The following TOPAZ1 variants were observed in gnomAD, a reference collection of about 807,000 sequenced individuals.
TOPAZ1 encodes testis and ovary specific TOPAZ 1.
TOPAZ1 carries 66 observed loss-of-function variants against 172.2 expected under a neutral mutation model. The ratio of observed to expected loss-of-function variants is 0.38; its 90% CI spans 0.31 to 0.47. TOPAZ1 has a LOEUF of 0.47. Among genes scored for constraint, TOPAZ1 ranks in the 20% least tolerant of loss-of-function variants. The pLI, the probability that TOPAZ1 is intolerant of heterozygous loss-of-function variation, is 0.99. For missense variants in TOPAZ1, 1,822 were observed against 1,972.4 expected, an observed-to-expected ratio of 0.92 and a Z score of 1.44; for synonymous variants, 681 against 683.9, an observed-to-expected ratio of 1.00 and a Z score of 0.07.
At position 44,269,285 on chromosome 3, in the gene TOPAZ1, G is replaced by A; in HGVS notation, c.3230G>A (p.Arg1077Lys). Residue 1077 changes from arginine to lysine, a missense_variant, in exon 7 of 20, where the codon AGG becomes AAG. This residue lies in a region of TOPAZ1 where 1,489 missense variants were observed against 1,490.8 expected (regional missense o/e 1.00). Coordinates refer to ENST00000309765, the MANE Select transcript of TOPAZ1 (RefSeq NM_001145030.2). ...QNPETCEIFK[R>K]EKNVGVFQKS... ...CCTGAAACTTGTGAAATATTCAAGA[G>A]GGAAAAAAATGTGGGGGTAAGTCTA... 6.5e-7 allele frequency: 1 copy of A among 1,545,640 alleles called. No individual in the cohort carries two copies. The highest frequency in any genetic ancestry group is 8.8e-7 in the Non-Finnish European group (1 of 1,142,254).
chr3:44,274,882 C>T (rs1699937155), intron 8 of TOPAZ1, among the ~76,000 whole-genome samples: 1 of 150,772 alleles, frequency 6.6e-6, no homozygotes, highest in South Asian at 2.1e-4. Flanking sequence ...GATGACAGTT[C>T]TTATTTTGTA....
In TOPAZ1 at chr3:44,321,031, A is replaced by G. The variant is rs1185452805; in HGVS notation, c.4311A>G (p.Ser1437=). 9.1e-6 allele frequency: 14 copies of G among 1,543,550 alleles called. No individual in the cohort carries two copies. Among genetic ancestry groups the G allele is most frequent in the Non-Finnish European group, 1.2e-5 (14 of 1,143,112 alleles). Residue 1437 remains serine, a synonymous_variant, in exon 17 of 20, where the codon TCA becomes TCG. Transcript: ENST00000309765. ...ATATTTTTTTCTTTTTGGAAGAGTC[A>G]GAGTGGATAATCAATACGCCTCTGT... ...LDGAIWVMRE[S]EWIINTPLWP...
chr3:44,305,856 A>G (rs2125700016), intron 14 of TOPAZ1, among the ~76,000 whole-genome samples: 1 of 152,332 alleles, frequency 6.6e-6, no homozygotes, highest in East Asian at 1.9e-4. Flanking sequence ...TTGGTGTTTT[A>G]GTATCAAACG....
rs1242022294 is a variant in TOPAZ1 at position 44,306,321 on chromosome 3, T to G, written c.4040-5T>G. 6.5e-7 allele frequency: 1 copy of G among 1,533,976 alleles called. No homozygotes were observed. Among genetic ancestry groups the G allele is most frequent in the Non-Finnish European group, 8.8e-7 (1 of 1,132,158 alleles). On this transcript the variant is annotated splice_region_variant and splice_polypyrimidine_tract_variant and intron_variant, in intron 14 of 19. Transcript: ENST00000309765. ...TTTTCTTTTGTATGCCTATTTGTGT[T>G]TCAGTTAGCAAAGATCCACAAAACA...
chr3:44,259,256 C>T (rs1234123598), intron 4 of TOPAZ1, among the ~76,000 whole-genome samples: 2 of 152,096 alleles, frequency 1.3e-5, no homozygotes, highest in South Asian at 2.1e-4. Context: ...CTAGGTTCTG[C>T]CTGCTTTTCA....
In TOPAZ1 at chr3:44,305,162, G is replaced by C. The variant is rs540278563; in HGVS notation, c.3880G>C (p.Gly1294Arg). ...LNKLEHCKEK[G>R]DWTKLGKLYI... Reference sequence around the variant, plus strand: ...ATTTTGATAGCATTGTAAAGAAAAAGGTGACTGGACCAAATTGGGAAAATT... The same window carrying C: ...ATTTTGATAGCATTGTAAAGAAAAACGTGACTGGACCAAATTGGGAAAATT... Residue 1294 changes from glycine (G) to arginine (R), a missense_variant, in exon 14 of 20, where the codon GGT becomes CGT. Physicochemically the swap from Gly to Arg is moderately radical, Grantham distance 125 (BLOSUM62 -2). This residue lies in a region of TOPAZ1 where 333 missense variants were observed against 481.7 expected (regional missense o/e 0.69). Transcript: ENST00000309765. 15 of 1,516,938 alleles carry C rather than the reference G, an allele frequency of 9.9e-6. 1 individual carries two copies. The African/African-American group carries it at 1.4e-4, about 14-fold the overall frequency. 94.0% of individuals were successfully genotyped at this position (1,516,938 alleles called of 1,614,324 possible). A position where few individuals can be genotyped will look rare whatever the true frequency, so the allele number is the denominator to read the frequency against.
Position 44,243,037 on chromosome 3 carries a change from C to A in TOPAZ1, c.531C>A (p.Ser177Arg). 6.5e-7 allele frequency: 1 copy of A among 1,541,606 alleles called. No homozygotes were observed. Among genetic ancestry groups the A allele is most frequent in the African/African-American group, 1.4e-5 (1 of 72,398 alleles). ...GAATTCGAAATAAAAAACTTAAAAGCTTAGAAAACCCACCTCTCAAAATAA... is the reference window on the plus strand; with the variant it reads ...GAATTCGAAATAAAAAACTTAAAAGATTAGAAAACCCACCTCTCAAAATAA... ...KRRIRNKKLKSLENPPLKITE... is the reference protein window; with the variant it reads ...KRRIRNKKLKRLENPPLKITE... Residue 177 changes from serine (S) to arginine (R), a missense_variant, in exon 2 of 20, where the codon AGC (serine) becomes AGA (arginine). Around this residue, in one of 2 missense-constraint regions of TOPAZ1, gnomAD observed 1,489 missense variants for 1,490.8 expected, o/e 1.00. Transcript: ENST00000309765.
intron 15 of TOPAZ1, among the ~76,000 whole-genome samples, chr3:44,308,381 G>T (rs2125700796): frequency 6.6e-6 from 1 of 151,254 alleles, no homozygotes; most frequent in African/African-American, 2.4e-5. Context: ...TGCGGTGTTT[G>T]GTTTTCTATC....
At position 44,242,140 on chromosome 3, in the gene TOPAZ1, G is replaced by A. The variant is rs986904887; in HGVS notation, c.87G>A (p.Gly29=). The change falls in exon 1 of 20, where the codon GGG becomes GGA. Residue 29 remains glycine (G), a synonymous_variant. Coordinates refer to ENST00000309765, the MANE Select transcript of TOPAZ1 (RefSeq NM_001145030.2). ...VRNLQKRQAP[G]PGAAGGCGPE... Reference sequence around the variant, plus strand: ...ACCTGCAGAAGCGGCAGGCGCCAGGGCCAGGCGCGGCGGGAGGCTGTGGCC... The same window carrying A: ...ACCTGCAGAAGCGGCAGGCGCCAGGACCAGGCGCGGCGGGAGGCTGTGGCC... 7.1e-6 allele frequency: 11 copies of A among 1,549,016 alleles called. No homozygotes were observed. In the African/African-American group the frequency reaches 1.5e-4, roughly 21 times the overall value.
chr3:44,242,953 A>G lies in TOPAZ1; in HGVS notation c.447A>G (p.Gln149=), dbSNP rs1313501010. The change falls in exon 2 of 20, where the codon CAA becomes CAG. Residue 149 remains glutamine (Q), a synonymous_variant. Coordinates refer to ENST00000309765, the MANE Select transcript of TOPAZ1 (RefSeq NM_001145030.2). ...CATTAACCAGTTCGGAATCTTTCCA[A>G]ACAGTGGAATGCTTGCAGTCTTTGG... ...KESLTSSESF[Q]TVECLQSLGK... The G allele has an allele frequency of 7.7e-6, 12 of 1,550,796 alleles. No homozygotes were observed. The East Asian group carries it at 2.4e-4, about 32-fold the overall frequency.
chr3:44,259,461 T>C (rs141170975), intron 4 of TOPAZ1, among the ~76,000 whole-genome samples: 2 of 152,342 alleles, frequency 1.3e-5, no homozygotes, highest in African/African-American at 4.8e-5. Context: ...TTTCAATGTA[T>C]GTAATGATGT....
Position 44,287,440 on chromosome 3 carries a change from A to G in TOPAZ1, c.3488A>G (p.Asp1163Gly). ...YRKFPPGVYFDLQVLNDLLNS... is the reference protein window; with the variant it reads ...YRKFPPGVYFGLQVLNDLLNS... The stretch of plus-strand genomic sequence containing the variant: ...AAGTTTCCCCCAGGTGTATACTTTG[A>G]TTTACAAGTGCTAAATGACCTTCTA... The change falls in exon 10 of 20, where the codon GAT becomes GGT. Residue 1163 changes from aspartate to glycine, a missense_variant. Asp to Gly is a moderately conservative substitution (Grantham distance 94). Transcript: ENST00000309765. 1 of 1,525,990 alleles carries G rather than the reference A, an allele frequency of 6.6e-7. No homozygotes were observed. The highest frequency in any genetic ancestry group is 1.3e-5 in the South Asian group (1 of 78,264). The allele number at this position is 1,525,990 out of a possible 1,614,324, so 94.5% of individuals were successfully genotyped here.
Position 44,244,159 on chromosome 3 carries a change from C to G in TOPAZ1, c.1653C>G (p.Ser551=), listed in dbSNP as rs1699528677. The change falls in exon 2 of 20, where the codon TCC becomes TCG. Residue 551 remains serine, a synonymous_variant. Transcript: ENST00000309765. The part of the protein sequence containing the change: ...LTDSKLLLQS[S]LTETNTESSS... ...ACTCCAAATTATTATTACAAAGTTC[C>G]TTAACAGAAACAAACACTGAATCTT... The G allele has an allele frequency of 3.9e-6, 6 of 1,551,400 alleles. No homozygotes were observed. The highest frequency in any genetic ancestry group is 4.4e-6 in the Non-Finnish European group (5 of 1,146,794).
chr3:44,258,574 T>C (rs1309240562), intron 4 of TOPAZ1, among the ~76,000 whole-genome samples: 1 of 152,102 alleles, frequency 6.6e-6, no homozygotes, highest in Non-Finnish European at 1.5e-5. Flanking sequence ...CTCTTCAGAT[T>C]GGTTTCTTTT....
chr3:44,264,196 A>G (rs895514726), intron 5 of TOPAZ1, among the ~76,000 whole-genome samples: 2 of 152,202 alleles, frequency 1.3e-5, no homozygotes, highest in Non-Finnish European at 2.9e-5. Context: ...CAACCACTTA[A>G]GAAGTGCTGG....
chr3:44,257,356 T>G (rs1444908109), intron 4 of TOPAZ1, among the ~76,000 whole-genome samples: 16 of 14,620 alleles, frequency 1.1e-3, no homozygotes, highest in African/African-American at 1.8e-3. Context: ...CATAGGGGTG[T>G]GTGTGTGTGT....
chr3:44,327,538 T>A (rs1700613492), intron 18 of TOPAZ1, among the ~76,000 whole-genome samples: 1 of 152,196 alleles, frequency 6.6e-6, no homozygotes, highest in Admixed American at 6.5e-5. Flanking sequence ...AAATGTATTT[T>A]ATGCCTAGTA....
chr3:44,253,139 A>G (rs572907911), intron 2 of TOPAZ1, among the ~76,000 whole-genome samples: 8 of 152,276 alleles, frequency 5.3e-5, no homozygotes, highest in African/African-American at 1.9e-4. Context: ...TGACCATAGA[A>G]TTTACCTTCT....
In TOPAZ1 at chr3:44,276,850, G is replaced by A. The variant is rs557323140; in HGVS notation, c.3373-5118G>A. The stretch of plus-strand genomic sequence containing the variant: ...TCTGTCGCCAGGCTGGAGTACAGTG[G>A]CGAGATCTCGGCTCACTGCACCCTC... On this transcript the variant is annotated intron_variant, in intron 8 of 19. Coordinates refer to ENST00000309765, the MANE Select transcript of TOPAZ1 (RefSeq NM_001145030.2). Among the ~76,000 whole-genome samples, 6 of 151,578 alleles carry A rather than the reference G, an allele frequency of 4.0e-5. No homozygotes were observed. The South Asian group carries it at 1.3e-3, about 32-fold the overall frequency.
Sources: allele counts gnomAD v4.1 joint callset (sites outside exome capture counted in the v4.1 genomes callset), GRCh38; gene constraint gnomAD v4.1.1; regional missense constraint gnomAD v4.1.1; transcripts MANE v1.5; gene names NCBI Gene and HGNC (gene_info 2026-07-23, HGNC 2026-07-21).